Variants in GPR153 observed in about 807,000 individuals in gnomAD.
GPR153 encodes probable G protein-coupled receptor 153.
Under a neutral mutation model 34.1 loss-of-function variants are expected in GPR153, and 27 were observed. That is an observed-to-expected ratio of 0.79 (90% CI 0.58 to 1.09). The LOEUF (loss-of-function observed/expected upper bound fraction) is 1.09, where lower values mean the gene tolerates loss of function less well. GPR153 is among the 50% of genes least tolerant of loss of function. GPR153 has a pLI of 0.00. For missense variants in GPR153, 848 were observed against 860.2 expected (o/e 0.99, Z 0.18); for synonymous variants, 408 against 405.4 (o/e 1.01, Z -0.08).
At chr1:6,255,132 T>G in intron 1 of GPR153, 118 bp from the exon 2 acceptor site, 1 of 426,592 alleles carries the variant, frequency 2.3e-6, no homozygotes, top group Non-Finnish European at 4.1e-6. Context: ...CCTGCAAAAC[T>G]CATGTTGAAA....
intron 1 of GPR153, among the ~76,000 whole-genome samples, chr1:6,259,903 G>T (rs1283810034): frequency 6.6e-6 from 1 of 152,162 alleles, no homozygotes; most frequent in East Asian, 1.9e-4. Context: ...CTCCTGCTGG[G>T]AAGTGTCTCC....
At position 6,251,445 on chromosome 1, in the gene GPR153, AG is replaced by A; in HGVS notation, c.871del (p.Leu291CysfsTer65). On this transcript the variant is annotated frameshift_variant, in exon 4 of 6. Coordinates refer to ENST00000377893, the MANE Select transcript of GPR153 (RefSeq NM_207370.4). LOFTEE classifies it high-confidence loss of function. The surrounding 1 kb of genome is among the most constrained non-coding windows in gnomAD (Gnocchi z 4.9). The stretch of plus-strand genomic sequence containing the variant: ...GGCCCAGAGGAACACAGGCAGCAGC[AG>A]GGCCTGGGCCACGGAGCACCACAGC... ...CVLWCSVAQA[L>X]LLPVFLWACD... 6.2e-7 allele frequency: 1 copy of A among 1,613,418 alleles called. No individual in the cohort carries two copies. Among genetic ancestry groups the A allele is most frequent in the Non-Finnish European group, 8.5e-7 (1 of 1,179,976 alleles).
rs72853083 is a variant in GPR153, at chr1:6,252,750, C to T, written c.786+968G>A. 9.6e-3 allele frequency among the ~76,000 whole-genome samples: 1,469 copies of T among 152,286 alleles called. 20 individuals carry two copies. Among genetic ancestry groups the T allele is most frequent in the African/African-American group, 0.034 (1,395 of 41,556 alleles). The stretch of plus-strand genomic sequence containing the variant: ...TCTCCCTGTCTCACTGCAGACCTTT[C>T]GGGGATGGGCGTAGAGTCCTGCAGG... On this transcript the variant is annotated intron_variant, in intron 3 of 5. Coordinates refer to ENST00000377893, the MANE Select transcript of GPR153 (RefSeq NM_207370.4).
At chr1:6,255,646 T>TTTTTTTG in intron 1 of GPR153, among the ~76,000 whole-genome samples, 1 of 115,362 alleles carries the variant, frequency 8.7e-6, no homozygotes, top group African/African-American at 4.1e-5. Flanking sequence ...GGCTACGTTT[T>TTTTTTTG]TTTTTTTTTT....
rs1213028021 is a variant in GPR153 at position 6,251,565 on chromosome 1, A to AC, written c.787-36dup. 3 of 1,523,082 alleles carry AC rather than the reference A, an allele frequency of 2.0e-6. No homozygotes were observed. The highest frequency in any genetic ancestry group is 2.5e-5 in the South Asian group (2 of 80,360). 94.3% of individuals were successfully genotyped at this position (1,523,082 alleles called of 1,614,324 possible). A position where few individuals can be genotyped will look rare whatever the true frequency, so the allele number is the denominator to read the frequency against. On this transcript the variant is annotated intron_variant, in intron 3 of 5. Transcript: ENST00000377893. The surrounding 1 kb of genome is among the most constrained non-coding windows in gnomAD (Gnocchi z 4.9). ...CAGGGCTCGGCCTGGCACCTGCAGG[A>AC]CCCCCCACCATCACACAAGCTCCCC...
rs1421748843 is a variant in GPR153 at position 6,254,223 on chromosome 1, G to A, written c.357-76C>T. ...TCCCCAGGCCTCTGGGGACCTGTAG[G>A]GGATCCGCACCACCCAGGCACCCCA... On this transcript the variant is annotated intron_variant, in intron 2 of 5. Transcript: ENST00000377893. 5 of 1,425,142 alleles carry A rather than the reference G, an allele frequency of 3.5e-6. No homozygotes were observed. In the East Asian group the frequency reaches 6.9e-5, roughly 20 times the overall value. The allele number at this position is 1,425,142 out of a possible 1,614,324, so 88.3% of individuals were successfully genotyped here.
At chr1:6,255,285 G>A (rs559302683) in intron 1 of GPR153, among the ~76,000 whole-genome samples, 121 of 150,004 alleles carry the variant, frequency 8.1e-4, no homozygotes, top group South Asian at 7.4e-3. Flanking sequence ...TGCAAGCTCC[G>A]CTTCCCGGGT....
intron 1 of GPR153, 86 bp from the exon 2 acceptor site, chr1:6,255,100 G>T (rs979561243): frequency 4.2e-6 from 2 of 478,684 alleles, no homozygotes; most frequent in Admixed American, 3.8e-5. Context: ...GGGAGATGGC[G>T]AGCGCTACAC....
Position 6,253,857 on chromosome 1 carries a change from G to A in GPR153, c.647C>T (p.Thr216Ile). The stretch of plus-strand genomic sequence containing the variant: ...GCCCTGCGCGTCCTCCACCACGATG[G>A]TGGGCACGGTGAAGGCGCGGCGGTC... ...QADRRAFTVP[T>I]IVVEDAQGKR... The change falls in exon 3 of 6, where the codon ACC becomes ATC. Residue 216 changes from threonine (T) to isoleucine (I), a missense_variant. Thr to Ile is a moderately conservative substitution (Grantham distance 89). Transcript: ENST00000377893. 3 of 1,606,180 alleles carry A rather than the reference G, an allele frequency of 1.9e-6. No individual in the cohort carries two copies. The highest frequency in any genetic ancestry group is 2.6e-6 in the Non-Finnish European group (3 of 1,174,622).
At chr1:6,254,303 T>C (rs1638516094) in intron 2 of GPR153, among the ~76,000 whole-genome samples, 156 bp from the exon 3 acceptor site, 1 of 152,116 alleles carries the variant, frequency 6.6e-6, no homozygotes, top group South Asian at 2.1e-4. Context: ...CCTTGTTCCT[T>C]GCATAGGAGA....
chr1:6,255,100 G>A (rs979561243), intron 1 of GPR153, 86 bp from the exon 2 acceptor site: 17 of 478,564 alleles, frequency 3.6e-5, no homozygotes, highest in African/African-American at 3.2e-4. Flanking sequence ...GGGAGATGGC[G>A]AGCGCTACAC....
Position 6,249,706 on chromosome 1 carries a change from C to T in GPR153, c.1462G>A (p.Gly488Arg), listed in dbSNP as rs1382038237. The change falls in exon 6 of 6, where the codon GGG becomes AGG. Residue 488 changes from glycine (G) to arginine (R), a missense_variant. Gly to Arg is a moderately radical substitution (Grantham distance 125, BLOSUM62 -2). Coordinates refer to ENST00000377893, the MANE Select transcript of GPR153 (RefSeq NM_207370.4). This position sits in a 1 kb window ranked among gnomAD's most constrained non-coding sequence, Gnocchi z 4.3. Reference sequence around the variant, plus strand: ...GCCGAGGCGGAGCGGGGGCCGGGCCCGGGGCGGCGGCGCGGGCTGCCGGGG... The same window carrying T: ...GCCGAGGCGGAGCGGGGGCCGGGCCTGGGGCGGCGGCGCGGGCTGCCGGGG... ...SPPGSPRRRP[G>R]PGPRSASASL... The T allele has an allele frequency of 8.7e-6, 9 of 1,033,690 alleles. No homozygotes were observed. The African/African-American group carries it at 1.2e-4, about 14-fold the overall frequency. 64.0% of individuals were successfully genotyped at this position (1,033,690 alleles called of 1,614,324 possible).
Position 6,250,006 on chromosome 1 carries a change from G to A in GPR153, c.1165-3C>T, listed in dbSNP as rs1447959887. On this transcript the variant is annotated splice_region_variant and splice_polypyrimidine_tract_variant and intron_variant, in intron 5 of 5. Transcript: ENST00000377893. ...GAGAAGCGCCGCGTGGGCGGGACCTGTCAGGACGCGGCTGGCTTTTACCCC... is the reference window on the plus strand; with the variant it reads ...GAGAAGCGCCGCGTGGGCGGGACCTATCAGGACGCGGCTGGCTTTTACCCC... The A allele has an allele frequency of 2.4e-6, 3 of 1,258,028 alleles. No individual in the cohort carries two copies. The highest frequency in any genetic ancestry group is 4.2e-5 in the Admixed American group (1 of 23,866). 77.9% of individuals were successfully genotyped at this position (1,258,028 alleles called of 1,614,324 possible).
At chr1:6,256,771 G>T (rs1292629228) in intron 1 of GPR153, among the ~76,000 whole-genome samples, 1 of 152,158 alleles carries the variant, frequency 6.6e-6, no homozygotes, top group Non-Finnish European at 1.5e-5. Context: ...TGAGTAGCTG[G>T]GATTACAGGG....
At chr1:6,252,686 C>G (rs1638474623) in intron 3 of GPR153, among the ~76,000 whole-genome samples, 2 of 152,188 alleles carry the variant, frequency 1.3e-5, no homozygotes, top group Non-Finnish European at 2.9e-5. Context: ...TTGCCTGCTG[C>G]TTGGATGAAA....
chr1:6,252,173 GATGTGGGT>G (rs1199201953), intron 3 of GPR153, among the ~76,000 whole-genome samples: 2 of 152,222 alleles, frequency 1.3e-5, no homozygotes, highest in Non-Finnish European at 2.9e-5. Flanking sequence ...AAGTGTGGAG[GATGTGGGT>G]ATGTTGATTC....
At chr1:6,254,269 C>T (rs1638515060) in intron 2 of GPR153, 122 bp from the exon 3 acceptor site, 2 of 909,710 alleles carry the variant, frequency 2.2e-6, no homozygotes, top group African/African-American at 3.3e-5. Context: ...ATATCATAGT[C>T]ATGGCACAGC....
intron 1 of GPR153, among the ~76,000 whole-genome samples, chr1:6,257,481 G>A (rs1461268062): frequency 6.6e-6 from 1 of 152,236 alleles, no homozygotes; most frequent in African/African-American, 2.4e-5. Context: ...GCTGGGGCAA[G>A]GTCCCTGCAC....
intron 1 of GPR153, among the ~76,000 whole-genome samples, chr1:6,259,497 A>ATTT (rs3035676): frequency 1.1e-3 from 157 of 144,174 alleles, no homozygotes; most frequent in African/African-American, 3.5e-3. Flanking sequence ...GGAAAAGGGC[A>ATTT]TTTTTTTTTT....
Sources: gnomAD v4.1 joint callset for allele counts (sites outside exome capture counted in the v4.1 genomes callset) on GRCh38, gnomAD v4.1.1 for gene constraint, Gnocchi (gnomAD v3.1) non-coding constraint, MANE v1.5 for transcripts, NCBI Gene and HGNC (gene_info 2026-07-23, HGNC 2026-07-21) for gene names.